The following RASAL2 variants were observed in gnomAD, a reference collection of about 807,000 sequenced individuals.
The protein encoded by RASAL2 is ras GTPase-activating protein nGAP.
In RASAL2, 58 loss-of-function variants were observed where a neutral mutation model predicts 128.9. That is an observed-to-expected ratio of 0.45 (90% CI 0.36 to 0.56). RASAL2 has a LOEUF of 0.56. Among genes scored for constraint, RASAL2 ranks in the 20% least tolerant of loss-of-function variants. The pLI, the probability that RASAL2 is intolerant of heterozygous loss-of-function variation, is 0.00. For missense variants in RASAL2, 1,360 were observed against 1,601.6 expected (o/e 0.85, Z 2.57); for synonymous variants, 561 against 580.8 (o/e 0.97, Z 0.49).
At chr1:178,163,928 C>T (rs1021534139) in intron 1 of RASAL2, among the ~76,000 whole-genome samples, 9 of 152,008 alleles carry the variant, frequency 5.9e-5, no homozygotes, top group Non-Finnish European at 1.0e-4. Context: ...CATTTATTTA[C>T]GTTTTTCTTA....
chr1:178,144,688 T>G (rs1030915235), intron 1 of RASAL2, among the ~76,000 whole-genome samples: 4 of 152,194 alleles, frequency 2.6e-5, no homozygotes, highest in Non-Finnish European at 5.9e-5. Flanking sequence ...AACCATTGTT[T>G]GTAAATGGTT....
chr1:178,250,357 A>G (rs1217934396), intron 1 of RASAL2, among the ~76,000 whole-genome samples: 1 of 152,222 alleles, frequency 6.6e-6, no homozygotes, highest in Non-Finnish European at 1.5e-5. Flanking sequence ...CCAAACTCCC[A>G]GGCCTCCTTA....
chr1:178,386,668 C>G (rs1672591386), intron 3 of RASAL2, among the ~76,000 whole-genome samples: 1 of 152,194 alleles, frequency 6.6e-6, no homozygotes, highest in Non-Finnish European at 1.5e-5. Flanking sequence ...GAGGCAGTTT[C>G]AGGCCTTTAT....
At chr1:178,443,888 T>TA (rs1390763267) in intron 8 of RASAL2, among the ~76,000 whole-genome samples, 1 of 152,164 alleles carries the variant, frequency 6.6e-6, no homozygotes, top group African/African-American at 2.4e-5. Context: ...GAGTTACCGT[T>TA]ATACTGTATG....
chr1:178,119,093 C>G (rs897183233), intron 1 of RASAL2, among the ~76,000 whole-genome samples: 2 of 152,180 alleles, frequency 1.3e-5, no homozygotes, highest in African/African-American at 2.4e-5. Flanking sequence ...GTCTCGAACT[C>G]CTGACCTCAG....
intron 1 of RASAL2, among the ~76,000 whole-genome samples, chr1:178,220,576 T>C (rs1415978343): frequency 2.0e-5 from 3 of 152,202 alleles, no homozygotes; most frequent in Non-Finnish European, 4.4e-5. Context: ...CAGACCTGAT[T>C]GACACAGGGT....
At chr1:178,414,963 C>G (rs552321859) in intron 4 of RASAL2, among the ~76,000 whole-genome samples, 1 of 152,154 alleles carries the variant, frequency 6.6e-6, no homozygotes, top group East Asian at 1.9e-4. Flanking sequence ...TGGGTCATCT[C>G]TATTTTTTTC....
chr1:178,229,722 A>T (rs1663926016), intron 1 of RASAL2, among the ~76,000 whole-genome samples: 1 of 152,202 alleles, frequency 6.6e-6, no homozygotes. Context: ...AATAATACAC[A>T]GAAAGTGGTT....
chr1:178,162,949 CT>C (rs1213692210), intron 1 of RASAL2, among the ~76,000 whole-genome samples: 1 of 151,686 alleles, frequency 6.6e-6, no homozygotes, highest in Non-Finnish European at 1.5e-5. Flanking sequence ...CATTTCCTCC[CT>C]TTTGCAGATT....
chr1:178,411,202 A>AT (rs1674360654), intron 4 of RASAL2, among the ~76,000 whole-genome samples: 1 of 151,520 alleles, frequency 6.6e-6, no homozygotes, highest in African/African-American at 2.4e-5. Context: ...ACCCCATGGA[A>AT]TACTACTCAG....
chr1:178,099,366 T>C (rs565777846), intron 1 of RASAL2, among the ~76,000 whole-genome samples: 32 of 152,350 alleles, frequency 2.1e-4, no homozygotes, highest in African/African-American at 6.7e-4. Flanking sequence ...CAGTTTTTCA[T>C]TGAAATCAGA....
chr1:178,417,115 C>G (rs1267726016), intron 4 of RASAL2, among the ~76,000 whole-genome samples: 2 of 151,666 alleles, frequency 1.3e-5, no homozygotes, highest in Admixed American at 1.3e-4. Flanking sequence ...TCTCTTTTCT[C>G]CTTTTGGTAT....
chr1:178,392,113 G>A lies in RASAL2; in HGVS notation c.564+1907G>A, dbSNP rs139043838. ...TTGATACCTTCTTGGCATACTGTGCGTGGTATAAAAAAGTTTTCCATTCTG... is the reference window on the plus strand; with the variant it reads ...TTGATACCTTCTTGGCATACTGTGCATGGTATAAAAAAGTTTTCCATTCTG... On this transcript the variant is annotated intron_variant, in intron 4 of 17. Coordinates refer to ENST00000367649, the MANE Select transcript of RASAL2 (RefSeq NM_170692.4). Among the ~76,000 whole-genome samples the A allele has an allele frequency of 1.2e-3, 180 of 152,260 alleles. 4 individuals are homozygous for A. Among genetic ancestry groups the A allele is most frequent in the African/African-American group, 4.1e-3 (171 of 41,542 alleles).
intron 3 of RASAL2, among the ~76,000 whole-genome samples, chr1:178,364,306 T>C (rs955630907): frequency 3.9e-5 from 6 of 152,350 alleles, no homozygotes; most frequent in African/African-American, 1.2e-4. Flanking sequence ...AATTCCAATA[T>C]GGAATGTAGT....
intron 4 of RASAL2, among the ~76,000 whole-genome samples, chr1:178,410,770 T>C (rs1241302510): frequency 6.6e-6 from 1 of 151,632 alleles, no homozygotes; most frequent in Admixed American, 6.6e-5. Flanking sequence ...GTCAAAAAAA[T>C]GCTCAGCATC....
chr1:178,430,934 ACACACACACACC>A (rs1675852779), intron 5 of RASAL2, among the ~76,000 whole-genome samples: 1 of 151,894 alleles, frequency 6.6e-6, no homozygotes, highest in East Asian at 1.9e-4. Context: ...ACACACACAC[ACACACACACACC>A]CCTCTTATAC....
intron 1 of RASAL2, among the ~76,000 whole-genome samples, chr1:178,240,665 A>G (rs997288207): frequency 1.3e-5 from 2 of 151,768 alleles, no homozygotes; most frequent in Admixed American, 1.3e-4. Flanking sequence ...ATGAAAATAA[A>G]CTTTTTAGTC....
At chr1:178,339,017 G>A (rs1049556793) in intron 3 of RASAL2, among the ~76,000 whole-genome samples, 4 of 152,162 alleles carry the variant, frequency 2.6e-5, no homozygotes, top group African/African-American at 7.2e-5. Flanking sequence ...TGGATGGATG[G>A]ATGAATATAT....
At chr1:178,119,374 T>C (rs1659632160) in intron 1 of RASAL2, among the ~76,000 whole-genome samples, 1 of 152,186 alleles carries the variant, frequency 6.6e-6, no homozygotes, top group Non-Finnish European at 1.5e-5. Context: ...TGAACAGGCG[T>C]GAGTTAAGGG....
Sources: allele counts gnomAD v4.1 joint callset (sites outside exome capture counted in the v4.1 genomes callset), GRCh38; gene constraint gnomAD v4.1.1; transcripts MANE v1.5; gene names NCBI Gene and HGNC (gene_info 2026-07-23, HGNC 2026-07-21).